Variants in ATXN7L1 observed in about 807,000 individuals in gnomAD.
ATXN7L1 encodes the protein ataxin 7 like 1.
In ATXN7L1, 15 loss-of-function variants were observed where a neutral mutation model predicts 70.8. The ratio of observed to expected loss-of-function variants is 0.21; its 90% confidence interval spans 0.14 to 0.33. ATXN7L1 has a LOEUF of 0.33. Among genes scored for constraint, ATXN7L1 ranks in the 10% least tolerant of loss-of-function variants. The probability of loss-of-function intolerance (pLI) is 1.00; values close to 1 mark genes in which losing one functional copy is unlikely to be tolerated. For synonymous variants in ATXN7L1, 440 were observed against 445.1 expected, an observed-to-expected ratio of 0.99 and a Z score of 0.14; for missense variants, 975 against 1,097.1, an observed-to-expected ratio of 0.89 and a Z score of 1.57.
intron 3 of ATXN7L1, among the ~76,000 whole-genome samples, chr7:105,720,390 T>C (rs1298237208): frequency 6.6e-6 from 1 of 151,998 alleles, no homozygotes; most frequent in African/African-American, 2.4e-5. Context: ...ATACAAAACC[T>C]GCCTCTTGCC....
chr7:105,760,415 G>C, intron 3 of ATXN7L1: 1 of 981,196 alleles, frequency 1.0e-6, no homozygotes, highest in Non-Finnish European at 1.2e-6. Flanking sequence ...ACAGCCAGCA[G>C]GTGGCAGGGT....
At chr7:105,807,682 G>A (rs775385277) in intron 2 of ATXN7L1, among the ~76,000 whole-genome samples, 12 of 152,172 alleles carry the variant, frequency 7.9e-5, no homozygotes, top group Non-Finnish European at 1.6e-4. Flanking sequence ...CCCTCATGTG[G>A]AAAGCCCGGG....
intron 2 of ATXN7L1, among the ~76,000 whole-genome samples, chr7:105,837,404 C>T (rs1431461167): frequency 6.7e-6 from 1 of 148,882 alleles, no homozygotes; most frequent in East Asian, 2.0e-4. Flanking sequence ...AATGATAACA[C>T]AACATGAAAT....
intron 3 of ATXN7L1, among the ~76,000 whole-genome samples, chr7:105,716,261 A>T (rs1296746833): frequency 6.6e-6 from 1 of 152,176 alleles, no homozygotes; most frequent in Non-Finnish European, 1.5e-5. Flanking sequence ...TATATAAATG[A>T]AAATCCCACT....
chr7:105,826,404 T>TTTTG (rs1810878028), intron 2 of ATXN7L1, among the ~76,000 whole-genome samples: 1 of 152,212 alleles, frequency 6.6e-6, no homozygotes, highest in Admixed American at 6.5e-5. Context: ...TATGACTGCA[T>TTTTG]GGTTCTAATG....
chr7:105,680,138 A>G (rs1354516777), intron 3 of ATXN7L1, among the ~76,000 whole-genome samples: 2 of 151,986 alleles, frequency 1.3e-5, no homozygotes, highest in African/African-American at 4.8e-5. Flanking sequence ...CAGAAGTATG[A>G]TTTTCCTGGA....
At chr7:105,760,427 T>C in intron 3 of ATXN7L1, 1 of 984,918 alleles carries the variant, frequency 1.0e-6, no homozygotes. Context: ...TGGCAGGGTC[T>C]AGACATGAAT....
intron 2 of ATXN7L1, among the ~76,000 whole-genome samples, chr7:105,850,415 G>A (rs1261818355): frequency 6.6e-6 from 1 of 152,222 alleles, no homozygotes; most frequent in Non-Finnish European, 1.5e-5. Flanking sequence ...GGCAACCAAA[G>A]GAAATGTTCA....
intron 8 of ATXN7L1, 47 bp downstream of exon 8, chr7:105,624,028 C>A: frequency 7.5e-7 from 1 of 1,341,870 alleles, no homozygotes; most frequent in South Asian, 2.0e-5. Context: ...TAAGTGTCTG[C>A]AAAGCACAGG....
chr7:105,675,198 A>G (rs1804443471), intron 3 of ATXN7L1, among the ~76,000 whole-genome samples: 1 of 152,230 alleles, frequency 6.6e-6, no homozygotes. Context: ...AATCCATAAT[A>G]AAGCAATTGG....
At position 105,767,344 on chromosome 7, in the gene ATXN7L1, C is replaced by T. The variant is rs575594440; in HGVS notation, c.355+21260G>A. 2.4e-4 allele frequency among the ~76,000 whole-genome samples: 37 copies of T among 152,222 alleles called. 1 individual carries two copies. The South Asian group carries it at 6.8e-3, about 28-fold the overall frequency. The stretch of plus-strand genomic sequence containing the variant: ...CCGGCCCTCCATAAGCCCCTATACT[C>T]GCCAGCCCCTGGTCCAGCCAAGGCC... On this transcript the variant is annotated intron_variant, in intron 3 of 11. Coordinates refer to ENST00000419735, the MANE Select transcript of ATXN7L1 (RefSeq NM_020725.2).
chr7:105,787,961 T>C lies in ATXN7L1; in HGVS notation c.355+643A>G, dbSNP rs149070978. Among the ~76,000 whole-genome samples the C allele has an allele frequency of 2.2e-3, 337 of 152,370 alleles. 2 individuals are homozygous for C. The highest frequency in any genetic ancestry group is 5.6e-3 in the South Asian group (27 of 4,822). On this transcript the variant is annotated intron_variant, in intron 3 of 11. Transcript: ENST00000419735. The stretch of plus-strand genomic sequence containing the variant: ...AGTCTAAGGCCAAATGGCTGTTTAT[T>C]CATCCCCGGGGTGGGGCAGCCACGT...
rs373548240 is a variant in ATXN7L1, at chr7:105,839,755, C to T, written c.250+36057G>A. On this transcript the variant is annotated intron_variant, in intron 2 of 11. Transcript: ENST00000419735. ...GAACACCCATGGGAAAATACACCTA[C>T]TGAGCACCTACTATGTGCCAGGCAT... Among the ~76,000 whole-genome samples the T allele has an allele frequency of 5.6e-4, 85 of 152,312 alleles. 1 individual carries two copies. The South Asian group carries it at 0.016, about 28-fold the overall frequency.
chr7:105,642,909 A>G lies in ATXN7L1; in HGVS notation c.791T>C (p.Leu264Pro). 1.9e-6 allele frequency: 3 copies of G among 1,551,764 alleles called. No homozygotes were observed. The South Asian group carries it at 3.6e-5, about 18-fold the overall frequency. Reference sequence around the variant, plus strand: ...GTGTTTCTTGTCTATGGTGGTTGGCAGAATTCCTTTGCCATTTAAGATCTT... The same window carrying G: ...GTGTTTCTTGTCTATGGTGGTTGGCGGAATTCCTTTGCCATTTAAGATCTT... ...PEKILNGKGI[L>P]PTTIDKKHQN... The change falls in exon 5 of 12, where the codon CTG becomes CCG. Residue 264 changes from leucine (L) to proline (P), a missense_variant. This residue lies in a region of ATXN7L1 where 192 missense variants were observed against 215.5 expected (regional missense o/e 0.89). Coordinates refer to ENST00000419735, the MANE Select transcript of ATXN7L1 (RefSeq NM_020725.2).
chr7:105,846,410 A>G (rs776793692), intron 2 of ATXN7L1, among the ~76,000 whole-genome samples: 3 of 152,212 alleles, frequency 2.0e-5, no homozygotes, highest in Non-Finnish European at 4.4e-5. Flanking sequence ...TCAAAACCAC[A>G]ATGAAATACC....
intron 4 of ATXN7L1, among the ~76,000 whole-genome samples, chr7:105,651,331 G>A (rs1799797483): frequency 6.6e-6 from 1 of 152,206 alleles, no homozygotes; most frequent in Non-Finnish European, 1.5e-5. Flanking sequence ...TTAGCATAGT[G>A]CCAGGCACAT....
intron 4 of ATXN7L1, 32 bp from the exon 5 acceptor site, chr7:105,643,153 G>A: frequency 3.4e-6 from 5 of 1,480,032 alleles, no homozygotes; most frequent in Non-Finnish European, 4.5e-6. Context: ...ACACACAATT[G>A]TCTTCTTTGA....
intron 3 of ATXN7L1, among the ~76,000 whole-genome samples, chr7:105,718,466 C>T (rs1023610286): frequency 2.6e-5 from 4 of 152,228 alleles, no homozygotes. Flanking sequence ...AGCCACAACA[C>T]AGCAGTTTGC....
rs1793496273 is a variant in ATXN7L1, at chr7:105,614,213, C to T, written c.2121G>A (p.Val707=). The T allele has an allele frequency of 6.4e-7, 1 of 1,551,752 alleles. No individual in the cohort carries two copies. The highest frequency in any genetic ancestry group is 8.7e-7 in the Non-Finnish European group (1 of 1,147,012). ...GCTCCAGTTTGGCACTGAGTGGGCT[C>T]ACCCCATTGTTTGAGTTGTGCACAG... is the stretch of plus-strand genomic sequence containing the variant. ...SLSVHNSNNG[V]SPLSAKLEPS... is the part of the protein sequence containing the mutation. Residue 707 remains valine, a synonymous_variant, in exon 10 of 12, where the codon GTG becomes GTA. Transcript: ENST00000419735. This position sits in a 1 kb window ranked among gnomAD's most constrained non-coding sequence, Gnocchi z 4.3.
Sources: gnomAD v4.1 joint callset for allele counts (sites outside exome capture counted in the v4.1 genomes callset) on GRCh38, gnomAD v4.1.1 for gene constraint, gnomAD v4.1.1 regional missense constraint, Gnocchi (gnomAD v3.1) non-coding constraint, MANE v1.5 for transcripts, NCBI Gene and HGNC (gene_info 2026-07-23, HGNC 2026-07-21) for gene names.